MCF2: variants seen among roughly 807,000 people sequenced by gnomAD.
MCF2 encodes MCF.2 cell line derived transforming sequence, also known as proto-oncogene DBL.
A neutral mutation model predicts 82.5 loss-of-function variants in MCF2; 44 were observed. That is an observed-to-expected ratio of 0.53 (90% CI 0.42 to 0.69). The LOEUF (loss-of-function observed/expected upper bound fraction) is 0.69. Among genes scored for constraint, MCF2 ranks in the 30% least tolerant of loss-of-function variants. The pLI, the probability that MCF2 is intolerant of heterozygous loss-of-function variation, is 0.00. For synonymous variants in MCF2, 217 were observed against 224.9 expected (o/e 0.96, Z 0.32); for missense variants, 623 against 663.1 (o/e 0.94, Z 0.66).
intron 6 of MCF2, among the ~76,000 whole-genome samples, chrX:139,622,233 G>A: frequency 9.0e-6 from 1 of 111,691 alleles, no homozygotes; most frequent in Non-Finnish European, 1.9e-5. Flanking sequence ...GGAAACAACA[G>A]GTGCTGGAGA....
At chrX:139,598,170 T>C (rs911705774) in intron 17 of MCF2, among the ~76,000 whole-genome samples, 2 of 111,897 alleles carry the variant, frequency 1.8e-5, no homozygotes, top group South Asian at 7.4e-4. Flanking sequence ...CAACACAACT[T>C]GTATGAAAAA....
At chrX:139,595,881 T>C (rs990281877) in intron 19 of MCF2, among the ~76,000 whole-genome samples, 3 of 111,656 alleles carry the variant, frequency 2.7e-5, no homozygotes, top group African/African-American at 9.7e-5. Context: ...TAAGTATCAT[T>C]GGGTTGTCAA....
At chrX:139,610,755 T>A (rs1397963293) in intron 10 of MCF2, among the ~76,000 whole-genome samples, 1 of 112,141 alleles carries the variant, frequency 8.9e-6, no homozygotes, top group Non-Finnish European at 1.9e-5. Context: ...TTTGGCACTT[T>A]CTACATATTG....
intron 1 of MCF2, among the ~76,000 whole-genome samples, chrX:139,641,891 G>A (rs1470889454): frequency 9.0e-6 from 1 of 111,360 alleles, no homozygotes; most frequent in Non-Finnish European, 1.9e-5. Context: ...GTGAGTTACT[G>A]TCTTTTTCCC....
intron 3 of MCF2, among the ~76,000 whole-genome samples, chrX:139,631,079 AT>A (rs1200444539): frequency 9.0e-6 from 1 of 111,663 alleles, no homozygotes; most frequent in African/African-American, 3.2e-5. Flanking sequence ...CAGGGCCAGG[AT>A]TTGAATCCAA....
At chrX:139,611,445 C>T (rs758176451) in intron 10 of MCF2, among the ~76,000 whole-genome samples, 3 of 112,293 alleles carry the variant, frequency 2.7e-5, no homozygotes, top group Non-Finnish European at 5.6e-5. Context: ...GAGATCCAAA[C>T]TTATTTTTAA....
chrX:139,599,224 T>C (rs1930342837), intron 16 of MCF2, among the ~76,000 whole-genome samples: 1 of 106,095 alleles, frequency 9.4e-6, no homozygotes, highest in African/African-American at 3.4e-5. Flanking sequence ...TGCTATTAGG[T>C]TGGTGCAAAA....
At chrX:139,587,828 C>G in intron 21 of MCF2, 40 bp from the exon 26 acceptor site, 2 of 860,903 alleles carry the variant, frequency 2.3e-6, no homozygotes, top group Non-Finnish European at 3.4e-6. Context: ...TCAGAAGTCA[C>G]ACTTCTTACT....
chrX:139,630,428 T>C (rs1185673944), intron 3 of MCF2, among the ~76,000 whole-genome samples: 1 of 111,673 alleles, frequency 9.0e-6, no homozygotes, highest in Non-Finnish European at 1.9e-5. Flanking sequence ...TACGGTTTTG[T>C]TGTTTCTTTT....
chrX:139,598,437 T>C, exon 17 of MCF2: 1 of 1,170,874 alleles, frequency 8.5e-7, no homozygotes. Context: ...AGTGATTCGT[T>C]GCACTGGTTT....
At chrX:139,676,663 A>G (rs1330355116) in intron 1 of MCF2, among the ~76,000 whole-genome samples, 2 of 111,812 alleles carry the variant, frequency 1.8e-5, no homozygotes, top group Non-Finnish European at 3.8e-5. Context: ...GGCAGCACCT[A>G]TTTCACAGGG....
intron 4 of MCF2, among the ~76,000 whole-genome samples, chrX:139,628,685 T>G (rs1256015705): frequency 8.9e-6 from 1 of 111,994 alleles, no homozygotes; most frequent in East Asian, 2.8e-4. Context: ...ATATACAGCT[T>G]TAATCTTCTA....
intron 2 of MCF2, 47 bp downstream of exon 2, chrX:139,651,673 A>G: frequency 1.2e-6 from 1 of 823,126 alleles, no homozygotes. Context: ...CTAACTGCTA[A>G]TCAAGTCATA....
chrX:139,653,776 T>C (rs1040839305), intron 1 of MCF2, among the ~76,000 whole-genome samples: 3 of 111,274 alleles, frequency 2.7e-5, no homozygotes, highest in Non-Finnish European at 3.8e-5. Context: ...ATTTACATTC[T>C]TTTTTCCCCT....
chrX:139,631,304 G>GTTTTGTTTTGTTTTGT (rs756026895), intron 3 of MCF2, 91 bp downstream of exon 6: 3 of 496,068 alleles, frequency 6.0e-6, no homozygotes, highest in Non-Finnish European at 9.7e-6. Context: ...GTTTTGTTTT[G>GTTTTGTTTTGTTTTGT]TTTTTTTCAA....
chrX:139,630,139 G>C, intron 3 of MCF2, among the ~76,000 whole-genome samples: 1 of 111,808 alleles, frequency 8.9e-6, no homozygotes, highest in Non-Finnish European at 1.9e-5. Flanking sequence ...CATGTATTGA[G>C]TAGTTTGTTT....
Position 139,642,380 on chromosome X carries a change from C to T in MCF2, c.51+88G>A, listed in dbSNP as rs1603298320. ...TCCATCTGTCCTTAAAAACCCTACT[C>T]AGCAGTTTGTGCTATAGCACCATGC... On this transcript the variant is annotated intron_variant, in intron 1 of 24. Coordinates refer to ENST00000370576, the Ensembl canonical transcript of MCF2. 17 of 1,147,470 alleles carry T rather than the reference C, an allele frequency of 1.5e-5. No homozygotes were observed. In the East Asian group the frequency reaches 5.1e-4, roughly 34 times the overall value. The allele number at this position is 1,147,470 out of a possible 1,213,427, so 94.6% of individuals were successfully genotyped here.
At chrX:139,614,690 T>C (rs1233247388) in intron 10 of MCF2, among the ~76,000 whole-genome samples, 191 bp downstream of exon 13, 1 of 111,706 alleles carries the variant, frequency 9.0e-6, no homozygotes, top group Non-Finnish European at 1.9e-5. Context: ...CTGTACTATA[T>C]CACTACTATG....
At chrX:139,672,890 G>T (rs1934743856) in intron 1 of MCF2, among the ~76,000 whole-genome samples, 1 of 111,888 alleles carries the variant, frequency 8.9e-6, no homozygotes, top group Non-Finnish European at 1.9e-5. Context: ...AGAAGGAATA[G>T]TACCAGCTCC....
Sources: allele counts gnomAD v4.1 joint callset (sites outside exome capture counted in the v4.1 genomes callset), GRCh38; gene constraint gnomAD v4.1.1; transcripts MANE v1.5; gene names NCBI Gene and HGNC (gene_info 2026-07-23, HGNC 2026-07-21).